The following SLCO1B1 variants were observed in gnomAD, a reference collection of about 807,000 sequenced individuals.
SLCO1B1 encodes solute carrier organic anion transporter family member 1B1.
Under a neutral mutation model 70.1 loss-of-function variants are expected in SLCO1B1, and 81 were observed. The observed-to-expected ratio is 1.16, with a 90% CI of 0.97 to 1.39. The LOEUF (loss-of-function observed/expected upper bound fraction) is 1.39, where lower values mean the gene tolerates loss of function less well. SLCO1B1 is among the 40% of genes most tolerant of loss of function. The pLI is 0.00. For synonymous variants in SLCO1B1, 283 were observed against 271.5 expected (o/e 1.04, Z -0.42); for missense variants, 895 against 799.6 (o/e 1.12, Z -1.44).
intron 2 of SLCO1B1, among the ~76,000 whole-genome samples, chr12:21,155,263 A>G (rs887365015): frequency 3.3e-5 from 5 of 151,838 alleles, no homozygotes; most frequent in South Asian, 2.1e-4. Context: ...TTTTACCTAT[A>G]TATGCTTTCA....
At chr12:21,236,999 G>T (rs1018254476) in intron 14 of SLCO1B1, among the ~76,000 whole-genome samples, 1 of 151,964 alleles carries the variant, frequency 6.6e-6, no homozygotes. Flanking sequence ...TTTAATTGGT[G>T]GATTTAGATC....
chr12:21,161,824 AT>A (rs2121079000), intron 2 of SLCO1B1, among the ~76,000 whole-genome samples: 1 of 152,256 alleles, frequency 6.6e-6, no homozygotes, highest in African/African-American at 2.4e-5. Flanking sequence ...CCTGGCCAAC[AT>A]GGTGAAACCC....
chr12:21,140,891 T>A (rs1471562270), intron 1 of SLCO1B1, among the ~76,000 whole-genome samples: 2 of 151,962 alleles, frequency 1.3e-5, no homozygotes, highest in Admixed American at 1.3e-4. Context: ...GGAAAAGAAA[T>A]GAACAAAATC....
At chr12:21,238,373 C>T (rs1444693109) in intron 14 of SLCO1B1, among the ~76,000 whole-genome samples, 2 of 152,094 alleles carry the variant, frequency 1.3e-5, no homozygotes. Flanking sequence ...GAACACTTAA[C>T]ATATTAATCA....
intron 12 of SLCO1B1, among the ~76,000 whole-genome samples, chr12:21,219,045 C>T (rs977922211): frequency 6.6e-6 from 1 of 152,116 alleles, no homozygotes; most frequent in Admixed American, 6.6e-5. Context: ...GAGGATGCAA[C>T]TGTGAACAAA....
chr12:21,194,132 G>A lies in SLCO1B1; in HGVS notation c.728-2814G>A, dbSNP rs118162812. 2.8e-4 allele frequency among the ~76,000 whole-genome samples: 43 copies of A among 151,634 alleles called. No homozygotes were observed. The East Asian group carries it at 7.0e-3, about 25-fold the overall frequency. ...TTTCAGACTTCCACAGATCCCCTAGGGTATGAACAAAATGCAGCCAAGTAC... is the reference window on the plus strand; with the variant it reads ...TTTCAGACTTCCACAGATCCCCTAGAGTATGAACAAAATGCAGCCAAGTAC... On this transcript the variant is annotated intron_variant, in intron 7 of 14. Transcript: ENST00000256958.
At chr12:21,160,903 G>GA (rs1238668626) in intron 2 of SLCO1B1, among the ~76,000 whole-genome samples, 2 of 151,880 alleles carry the variant, frequency 1.3e-5, no homozygotes, top group African/African-American at 4.8e-5. Context: ...ACAAGCACTT[G>GA]AAAAAAAGGC....
At chr12:21,179,673 C>G (rs1256271732) in intron 7 of SLCO1B1, among the ~76,000 whole-genome samples, 1 of 152,076 alleles carries the variant, frequency 6.6e-6, no homozygotes, top group African/African-American at 2.4e-5. Context: ...TATTCTTGCA[C>G]CATATCTATC....
In SLCO1B1 at chr12:21,197,100, G is replaced by A. The variant is rs11045854; in HGVS notation, c.882G>A (p.Leu294=). The change falls in exon 8 of 15, where the codon CTG becomes CTA. Residue 294 remains leucine, a synonymous_variant. Transcript: ENST00000256958. ...CACAAAAAGAAAGAAAAGCTTCACT[G>A]TCTTTGCATGTGCTGGAAACAAATG... ...NKPQKERKAS[L]SLHVLETNDE... The A allele has an allele frequency of 3.6e-3, 5,832 of 1,613,534 alleles. 148 individuals are homozygous for A. Among genetic ancestry groups the A allele is most frequent in the South Asian group, 0.033 (2,996 of 91,064 alleles).
At chr12:21,157,744 G>GGCGCCCACCACC (rs947330518) in intron 2 of SLCO1B1, among the ~76,000 whole-genome samples, 1 of 151,910 alleles carries the variant, frequency 6.6e-6, no homozygotes, top group African/African-American at 2.4e-5. Context: ...TGGGACTACA[G>GGCGCCCACCACC]GCGCCCACCA....
At chr12:21,165,518 T>C (rs1312593634) in intron 2 of SLCO1B1, among the ~76,000 whole-genome samples, 3 of 152,046 alleles carry the variant, frequency 2.0e-5, no homozygotes, top group Non-Finnish European at 4.4e-5. Context: ...GTCAAAGGGA[T>C]AAAAAAATAC....
chr12:21,196,976 G>C lies in SLCO1B1; in HGVS notation c.758G>C (p.Arg253Pro). 1 of 1,613,394 alleles carries C rather than the reference G, an allele frequency of 6.2e-7. No individual in the cohort carries two copies. The highest frequency in any genetic ancestry group is 8.5e-7 in the Non-Finnish European group (1 of 1,179,540). ...ATCAGGATAACTCCTACTGATTCTC[G>C]ATGGGTTGGAGCTTGGTGGCTTAAT... ...STIRITPTDSRWVGAWWLNFL... is the reference protein window; with the variant it reads ...STIRITPTDSPWVGAWWLNFL... The change falls in exon 8 of 15, where the codon CGA becomes CCA. Residue 253 changes from arginine (R) to proline (P), a missense_variant. By Grantham distance (103) the Arg-to-Pro change is moderately radical. Coordinates refer to ENST00000256958, the MANE Select transcript of SLCO1B1 (RefSeq NM_006446.5).
chr12:21,215,109 G>A (rs1941342876), intron 11 of SLCO1B1, among the ~76,000 whole-genome samples: 1 of 151,942 alleles, frequency 6.6e-6, no homozygotes, highest in Admixed American at 6.6e-5. Context: ...TTGAGATATA[G>A]AATCATATCA....
chr12:21,175,805 T>G (rs930278499), intron 4 of SLCO1B1, among the ~76,000 whole-genome samples: 1 of 152,150 alleles, frequency 6.6e-6, no homozygotes, highest in African/African-American at 2.4e-5. Flanking sequence ...AATCTTTATT[T>G]ATGATTCTTC....
intron 14 of SLCO1B1, among the ~76,000 whole-genome samples, chr12:21,236,437 G>GT (rs1289444773): frequency 3.8e-4 from 58 of 152,276 alleles, no homozygotes; most frequent in African/African-American, 1.3e-3. Flanking sequence ...TGCACCAACA[G>GT]TATGGCACAT....
intron 2 of SLCO1B1, among the ~76,000 whole-genome samples, chr12:21,167,701 T>C (rs1417744235): frequency 6.6e-6 from 1 of 152,154 alleles, no homozygotes; most frequent in Non-Finnish European, 1.5e-5. Flanking sequence ...CATTTTCCAT[T>C]GCTGAAACTT....
At chr12:21,233,293 T>A (rs889996872) in intron 14 of SLCO1B1, among the ~76,000 whole-genome samples, 1 of 152,036 alleles carries the variant, frequency 6.6e-6, no homozygotes, top group African/African-American at 2.4e-5. Flanking sequence ...CTGAGTTAGG[T>A]GTCCTAGACT....
At chr12:21,193,286 A>T (rs536444295) in intron 7 of SLCO1B1, among the ~76,000 whole-genome samples, 10 of 152,268 alleles carry the variant, frequency 6.6e-5, no homozygotes, top group African/African-American at 2.4e-4. Context: ...TATAATTGAA[A>T]GTGAGATATT....
intron 2 of SLCO1B1, among the ~76,000 whole-genome samples, chr12:21,149,597 G>A (rs1027932567): frequency 6.6e-6 from 1 of 152,158 alleles, no homozygotes; most frequent in African/African-American, 2.4e-5. Context: ...GGAAGTGCAA[G>A]TTGTCAGGAA....
Sources: allele counts gnomAD v4.1 joint callset (sites outside exome capture counted in the v4.1 genomes callset), GRCh38; gene constraint gnomAD v4.1.1; transcripts MANE v1.5; gene names NCBI Gene and HGNC (gene_info 2026-07-23, HGNC 2026-07-21).